The following RNF41 variants were observed in gnomAD, a reference collection of about 807,000 sequenced individuals.
RNF41 encodes the protein ring finger protein 41.
Under a neutral mutation model 33.0 loss-of-function variants are expected in RNF41, and 4 were observed. The observed-to-expected ratio is 0.12, with a 90% CI of 0.06 to 0.28. The LOEUF is 0.28. Among genes scored for constraint, RNF41 ranks in the 10% least tolerant of loss-of-function variants. The probability of loss-of-function intolerance (pLI) is 1.00; values close to 1 mark genes in which losing one functional copy is unlikely to be tolerated. For missense variants in RNF41, 228 were observed against 432.6 expected (o/e 0.53, Z 4.19); for synonymous variants, 164 against 153.2 (o/e 1.07, Z -0.52).
chr12:56,205,452 T>A lies in RNF41; in HGVS notation c.*995A>T, dbSNP rs1195656599. ...CAATAGGAACATCAAAAGAAAAGTT[T>A]CAAGTTTGATTTTTTTTTCTTTTTT... On this transcript the variant is annotated 3_prime_UTR_variant, in exon 7 of 7. Transcript: ENST00000345093. 6.7e-6 allele frequency: 1 copy of A among 149,632 alleles called. No individual in the cohort carries two copies. Among genetic ancestry groups the A allele is most frequent in the East Asian group, 2.0e-4 (1 of 5,092 alleles). 9.3% of individuals were successfully genotyped at this position (149,632 alleles called of 1,614,324 possible).
At chr12:56,215,336 CAG>C (rs1042161998) in intron 2 of RNF41, among the ~76,000 whole-genome samples, 2 of 152,094 alleles carry the variant, frequency 1.3e-5, no homozygotes, top group Non-Finnish European at 2.9e-5. Flanking sequence ...AGTATGTTAA[CAG>C]GGGAGAAACT....
chr12:56,220,304 T>C (rs1869273520), intron 1 of RNF41, among the ~76,000 whole-genome samples: 1 of 151,868 alleles, frequency 6.6e-6, no homozygotes, highest in Non-Finnish European at 1.5e-5. Flanking sequence ...AACCTCTGCC[T>C]CCTGGGTTCA....
At chr12:56,219,812 T>C (rs986147181) in intron 1 of RNF41, among the ~76,000 whole-genome samples, 3 of 151,142 alleles carry the variant, frequency 2.0e-5, no homozygotes, top group Non-Finnish European at 4.4e-5. Context: ...TCCAAGAGTT[T>C]GAGACCAGCC....
chr12:56,213,785 C>T (rs1395430866), intron 3 of RNF41, among the ~76,000 whole-genome samples, 173 bp downstream of exon 3: 1 of 152,150 alleles, frequency 6.6e-6, no homozygotes, highest in South Asian at 2.1e-4. Flanking sequence ...TAGATTGATT[C>T]TGGAAGGCCT....
At chr12:56,211,356 T>A (rs930973491) in intron 3 of RNF41, among the ~76,000 whole-genome samples, 23 of 151,438 alleles carry the variant, frequency 1.5e-4, no homozygotes, top group Non-Finnish European at 1.8e-4. Flanking sequence ...TAAATAAATA[T>A]ATATATATAT....
chr12:56,210,037 T>G, intron 4 of RNF41: 1 of 505,028 alleles, frequency 2.0e-6, no homozygotes, highest in South Asian at 2.6e-5. Context: ...AAGGGAAGAA[T>G]AGAGTCAATC....
At chr12:56,211,073 T>A (rs1244167571) in intron 3 of RNF41, among the ~76,000 whole-genome samples, 1 of 152,092 alleles carries the variant, frequency 6.6e-6, no homozygotes, top group Non-Finnish European at 1.5e-5. Flanking sequence ...TAATCACAGC[T>A]ACTCAGGAGG....
rs1869480006 is a variant in RNF41 at position 56,221,815 on chromosome 12, C to T, written c.-264G>A. ...CCTGACCCAGTCGGAGCTGAGGCCG[C>T]AGCGGCCACAGTACTGCCCTGGTGC... On this transcript the variant is annotated 5_prime_UTR_variant, in exon 1 of 7. Coordinates refer to ENST00000345093, the MANE Select transcript of RNF41 (RefSeq NM_005785.4). 1 of 152,326 alleles carries T rather than the reference C, an allele frequency of 6.6e-6. No homozygotes were observed. The highest frequency in any genetic ancestry group is 2.1e-4 in the South Asian group (1 of 4,834). The allele number at this position is 152,326 out of a possible 1,614,324, so 9.4% of individuals were successfully genotyped here. A position where few individuals can be genotyped will look rare whatever the true frequency, so the allele number is the denominator to read the frequency against.
chr12:56,207,919 C>CA (rs1868304448), intron 5 of RNF41, among the ~76,000 whole-genome samples, 170 bp from the exon 6 acceptor site: 1 of 152,180 alleles, frequency 6.6e-6, no homozygotes. Flanking sequence ...TTAGTACTTA[C>CA]AAATGTGCCT....
At position 56,206,920 on chromosome 12, in the gene RNF41, T is replaced by C. The variant is rs1016455523; in HGVS notation, c.603-122A>G. Reference sequence around the variant, plus strand: ...GCTTACCTATTCTTCCTTCTTTCCTTCCATCATTGGCTCAGAAACCCCAAA... The same window carrying C: ...GCTTACCTATTCTTCCTTCTTTCCTCCCATCATTGGCTCAGAAACCCCAAA... On this transcript the variant is annotated intron_variant, in intron 6 of 6. Transcript: ENST00000345093. The surrounding 1 kb of genome is among the most constrained non-coding windows in gnomAD (Gnocchi z 5.7). 2.3e-5 allele frequency: 22 copies of C among 946,704 alleles called. No homozygotes were observed. The highest frequency in any genetic ancestry group is 2.9e-5 in the Admixed American group (1 of 34,238). 58.6% of individuals were successfully genotyped at this position (946,704 alleles called of 1,614,324 possible).
At position 56,218,291 on chromosome 12, in the gene RNF41, G is replaced by A. The variant is rs374024134; in HGVS notation, c.-208-1678C>T. On this transcript the variant is annotated intron_variant, in intron 1 of 6. Coordinates refer to ENST00000345093, the MANE Select transcript of RNF41 (RefSeq NM_005785.4). ...TATTATTTTTTTGAGATAGGGTCTT[G>A]CTCTATTGCCCAGGCTGGAGTACAG... Among the ~76,000 whole-genome samples the A allele has an allele frequency of 1.3e-3, 201 of 151,960 alleles. 1 individual carries two copies. The highest frequency in any genetic ancestry group is 4.6e-3 in the African/African-American group (192 of 41,436).
intron 4 of RNF41, among the ~76,000 whole-genome samples, chr12:56,209,361 A>C (rs921333886): frequency 2.7e-5 from 4 of 150,636 alleles, no homozygotes; most frequent in Non-Finnish European, 5.9e-5. Flanking sequence ...GCGCGATCTC[A>C]GCTCACTACA....
chr12:56,217,404 G>A (rs1322634107), intron 1 of RNF41, among the ~76,000 whole-genome samples: 5 of 152,108 alleles, frequency 3.3e-5, no homozygotes, highest in South Asian at 2.1e-4. Flanking sequence ...AAAATTAGCC[G>A]GGTATGGTGG....
At chr12:56,219,559 C>T (rs1869177804) in intron 1 of RNF41, among the ~76,000 whole-genome samples, 1 of 151,546 alleles carries the variant, frequency 6.6e-6, no homozygotes, top group Admixed American at 6.6e-5. Flanking sequence ...AAACTGGCCT[C>T]ATATGATCCA....
At chr12:56,211,048 G>A (rs956399500) in intron 3 of RNF41, among the ~76,000 whole-genome samples, 2 of 152,200 alleles carry the variant, frequency 1.3e-5, no homozygotes, top group Non-Finnish European at 2.9e-5. Flanking sequence ...AGCCAGGGGT[G>A]GTGGCGCATG....
At chr12:56,208,347 A>T in intron 4 of RNF41, 49 bp from the exon 5 acceptor site, 1 of 1,599,628 alleles carries the variant, frequency 6.3e-7, no homozygotes, top group Non-Finnish European at 8.6e-7. Context: ...TCCCTGGGAC[A>T]TGTATGCAAA....
chr12:56,219,851 CAAAA>C (rs986570215), intron 1 of RNF41, among the ~76,000 whole-genome samples: 1 of 150,902 alleles, frequency 6.6e-6, no homozygotes, highest in African/African-American at 2.4e-5. Context: ...CTTGTCTCTA[CAAAA>C]AATACAAAAA....
At chr12:56,210,006 C>T (rs943819483) in intron 4 of RNF41, 14 of 399,910 alleles carry the variant, frequency 3.5e-5, no homozygotes, top group Non-Finnish European at 5.1e-5. Context: ...ACCTGACAAA[C>T]GGAAAGTAGT....
intron 3 of RNF41, among the ~76,000 whole-genome samples, chr12:56,212,250 G>C (rs1170550485): frequency 6.6e-6 from 1 of 152,194 alleles, no homozygotes; most frequent in Non-Finnish European, 1.5e-5. Flanking sequence ...GGAATTAGGT[G>C]CACAGTAATA....
Sources: allele counts gnomAD v4.1 joint callset (sites outside exome capture counted in the v4.1 genomes callset), GRCh38; gene constraint gnomAD v4.1.1; non-coding constraint Gnocchi (gnomAD v3.1); transcripts MANE v1.5; gene names NCBI Gene and HGNC (gene_info 2026-07-23, HGNC 2026-07-21).